LRP1B: variants seen among roughly 807,000 people sequenced by gnomAD.
The protein encoded by LRP1B is LDL receptor related protein 1B, also known as low-density lipoprotein receptor-related protein 1B.
In LRP1B, 217 loss-of-function variants were observed where a neutral mutation model predicts 556.6. The ratio of observed to expected loss-of-function variants is 0.39; its 90% CI spans 0.35 to 0.44. The LOEUF (loss-of-function observed/expected upper bound fraction) is 0.44, where lower values mean the gene tolerates loss of function less well. LRP1B is among the 20% of genes least tolerant of loss of function. LRP1B has a pLI of 1.00. For synonymous variants in LRP1B, 2,047 were observed against 1,865.8 expected, an observed-to-expected ratio of 1.10 and a Z score of -2.50; for missense variants, 5,053 against 5,620.8, an observed-to-expected ratio of 0.90 and a Z score of 3.23.
intron 41 of LRP1B, among the ~76,000 whole-genome samples, chr2:140,623,956 G>GTGTGTGTATATATATATATATA (rs1339496296): frequency 9.4e-6 from 1 of 106,436 alleles, no homozygotes; most frequent in Non-Finnish European, 1.9e-5. Flanking sequence ...TTTTATTTAT[G>GTGTGTGTATATATATATATATA]TATATATATA....
intron 35 of LRP1B, among the ~76,000 whole-genome samples, chr2:140,720,015 G>C (rs567588828): frequency 6.6e-6 from 1 of 152,102 alleles, no homozygotes; most frequent in South Asian, 2.1e-4. Flanking sequence ...AAAGAATCAG[G>C]TTGAAGGAGG....
intron 18 of LRP1B, among the ~76,000 whole-genome samples, chr2:140,969,786 C>A (rs1048806869): frequency 6.6e-6 from 1 of 152,088 alleles, no homozygotes; most frequent in Non-Finnish European, 1.5e-5. Context: ...ACTTATGAAG[C>A]TTAGTTTGGC....
At chr2:141,201,430 T>G (rs961554466) in intron 6 of LRP1B, among the ~76,000 whole-genome samples, 4 of 152,124 alleles carry the variant, frequency 2.6e-5, no homozygotes, top group African/African-American at 9.7e-5. Context: ...CATGGAAGTT[T>G]ATGGCTCTTG....
At chr2:140,761,371 C>G (rs1479074772) in intron 35 of LRP1B, among the ~76,000 whole-genome samples, 1 of 152,184 alleles carries the variant, frequency 6.6e-6, no homozygotes, top group South Asian at 2.1e-4. Flanking sequence ...ATGTGGCCCC[C>G]TCTTACCCCT....
intron 66 of LRP1B, among the ~76,000 whole-genome samples, chr2:140,423,225 A>C (rs1479105015): frequency 1.3e-5 from 2 of 152,204 alleles, no homozygotes; most frequent in Non-Finnish European, 2.9e-5. Flanking sequence ...TAGAATTTTT[A>C]GTACCCTCAT....
chr2:141,652,856 A>G (rs1218182861), intron 2 of LRP1B, among the ~76,000 whole-genome samples: 8 of 152,062 alleles, frequency 5.3e-5, no homozygotes, highest in Non-Finnish European at 1.0e-4. Context: ...AAGAATGTCT[A>G]CCTCTTGTCA....
chr2:141,833,730 A>G (rs907471653), intron 1 of LRP1B, among the ~76,000 whole-genome samples: 3 of 151,450 alleles, frequency 2.0e-5, no homozygotes, highest in African/African-American at 7.3e-5. Flanking sequence ...AAAACATTCA[A>G]TAAGTAGCCA....
intron 43 of LRP1B, among the ~76,000 whole-genome samples, chr2:140,543,375 T>G (rs75268508): frequency 5.0e-5 from 2 of 39,692 alleles, no homozygotes; most frequent in Non-Finnish European, 1.6e-4. Flanking sequence ...AAAAACTGGG[T>G]TTTTTTATGT....
chr2:141,340,406 T>C (rs1688014486), intron 3 of LRP1B, among the ~76,000 whole-genome samples: 1 of 152,206 alleles, frequency 6.6e-6, no homozygotes, highest in African/African-American at 2.4e-5. Context: ...AAAGGGTACA[T>C]AAATCTTTAG....
chr2:141,849,649 A>C (rs1007341729), intron 1 of LRP1B, among the ~76,000 whole-genome samples: 9 of 151,684 alleles, frequency 5.9e-5, no homozygotes, highest in African/African-American at 2.2e-4. Context: ...GTTGCTGTGC[A>C]AAAGTTATAG....
At chr2:141,548,863 T>G (rs2105226052) in intron 2 of LRP1B, among the ~76,000 whole-genome samples, 1 of 152,260 alleles carries the variant, frequency 6.6e-6, no homozygotes, top group East Asian at 1.9e-4. Flanking sequence ...CCTAAGATCT[T>G]AGAATCTGCT....
chr2:141,210,371 A>ATTATT (rs10666220), intron 6 of LRP1B, among the ~76,000 whole-genome samples: 152,032 of 152,266 alleles, frequency 1, 75,899 homozygotes, highest in Middle Eastern at 1. Flanking sequence ...TAACTCAGAA[A>ATTATT]TTATTAGGCT....
chr2:140,701,686 A>T (rs1686647243), intron 40 of LRP1B, 35 bp downstream of exon 40: 1 of 1,571,258 alleles, frequency 6.4e-7, no homozygotes, highest in Non-Finnish European at 8.6e-7. Flanking sequence ...ATCACATAAA[A>T]TATACATATT....
At position 140,352,991 on chromosome 2, in the gene LRP1B, T is replaced by C. The variant is rs1206956814; in HGVS notation, c.11612A>G (p.Gln3871Arg). The C allele has an allele frequency of 6.2e-7, 1 of 1,612,834 alleles. No individual in the cohort carries two copies. Among genetic ancestry groups the C allele is most frequent in the Non-Finnish European group, 8.5e-7 (1 of 1,179,350 alleles). ...VEGSYKCVCD[Q>R]NFQERNNTCI... is the part of the protein sequence containing the mutation. The stretch of plus-strand genomic sequence containing the variant: ...GGTGTTATTTCTTTCTTGAAAATTC[T>C]GGTCACACACACATTTATATGATCC... The change falls in exon 76 of 91, where the codon CAG becomes CGG. Residue 3871 changes from glutamine (Q) to arginine (R), a missense_variant. Physicochemically the swap from Gln to Arg is conservative, Grantham distance 43. Transcript: ENST00000389484.
intron 63 of LRP1B, among the ~76,000 whole-genome samples, chr2:140,445,768 T>A (rs566172997): frequency 6.6e-6 from 1 of 152,122 alleles, no homozygotes; most frequent in South Asian, 2.1e-4. Context: ...TTACTGAATA[T>A]GAATAATTCA....
In LRP1B at chr2:140,836,367, G is replaced by A. The variant is rs547535005; in HGVS notation, c.5209+3624C>T. On this transcript the variant is annotated intron_variant, in intron 31 of 90. Transcript: ENST00000389484. Reference sequence around the variant, plus strand: ...CAGTGATTCATACTCAGATTTGTTCGGTTCCTCAAATAACATTTTTTTCCC... The same window carrying A: ...CAGTGATTCATACTCAGATTTGTTCAGTTCCTCAAATAACATTTTTTTCCC... 3.3e-5 allele frequency among the ~76,000 whole-genome samples: 5 copies of A among 152,214 alleles called. No individual in the cohort carries two copies. The East Asian group carries it at 5.8e-4, about 18-fold the overall frequency.
At chr2:140,361,369 T>TAC (rs1298699474) in intron 72 of LRP1B, among the ~76,000 whole-genome samples, 4 of 127,222 alleles carry the variant, frequency 3.1e-5, no homozygotes, top group African/African-American at 1.2e-4. Flanking sequence ...TATATATATA[T>TAC]ATATATATAT....
chr2:140,667,407 G>A (rs1416998596), intron 41 of LRP1B, among the ~76,000 whole-genome samples: 1 of 152,168 alleles, frequency 6.6e-6, no homozygotes, highest in Non-Finnish European at 1.5e-5. Context: ...GTTGATACAT[G>A]AGTGCACACC....
At chr2:141,685,099 C>G (rs986974957) in intron 2 of LRP1B, among the ~76,000 whole-genome samples, 2 of 151,970 alleles carry the variant, frequency 1.3e-5, no homozygotes, top group South Asian at 4.2e-4. Flanking sequence ...ACTCCTTTTT[C>G]TTTTTCCTTT....
Sources: allele counts gnomAD v4.1 joint callset (sites outside exome capture counted in the v4.1 genomes callset), GRCh38; gene constraint gnomAD v4.1.1; transcripts MANE v1.5; gene names NCBI Gene and HGNC (gene_info 2026-07-23, HGNC 2026-07-21).